TGFBR2: variants seen among roughly 807,000 people sequenced by gnomAD.
TGFBR2 encodes TGF-beta receptor type-2.
TGFBR2 carries 18 observed loss-of-function variants against 49.0 expected under a neutral mutation model. The observed-to-expected ratio is 0.37, with a 90% confidence interval of 0.25 to 0.54. The LOEUF is 0.54. Among genes scored for constraint, TGFBR2 ranks in the 20% least tolerant of loss-of-function variants. TGFBR2 has a pLI of 0.85. For missense variants in TGFBR2, 525 were observed against 722.6 expected (o/e 0.73, Z 3.13); for synonymous variants, 282 against 275.9 (o/e 1.02, Z -0.22).
At chr3:30,678,567 A>G (rs1031088038) in intron 5 of TGFBR2, among the ~76,000 whole-genome samples, 3 of 151,438 alleles carry the variant, frequency 2.0e-5, no homozygotes, top group Non-Finnish European at 4.4e-5. Flanking sequence ...AAAAAAAAAA[A>G]AGAGGTATGG....
At position 30,694,034 on chromosome 3, in the gene TGFBR2, T is replaced by A. The variant is rs1185638932; in HGVS notation, c.*2435T>A. On this transcript the variant is annotated 3_prime_UTR_variant, in exon 7 of 7. Transcript: ENST00000295754. ...ATCAAAAGTCTCAAGCACTTATTTT[T>A]ATTCTATGCATTGTTTGTCTTTTAC... The A allele has an allele frequency of 4.3e-6, 1 of 230,590 alleles. No individual in the cohort carries two copies. The highest frequency in any genetic ancestry group is 8.6e-6 in the Non-Finnish European group (1 of 116,172). 14.3% of individuals were successfully genotyped at this position (230,590 alleles called of 1,614,324 possible).
intron 4 of TGFBR2, among the ~76,000 whole-genome samples, chr3:30,673,432 T>C (rs1357859937): frequency 1.3e-5 from 2 of 152,236 alleles, no homozygotes; most frequent in Admixed American, 6.5e-5. Context: ...TTTTTCCTTT[T>C]TCATATGGAT....
At position 30,638,291 on chromosome 3, in the gene TGFBR2, T is replaced by A. The variant is rs1194209915; in HGVS notation, c.95-6456T>A. Among the ~76,000 whole-genome samples the A allele has an allele frequency of 2.0e-5, 3 of 152,234 alleles. No individual in the cohort carries two copies. The South Asian group carries it at 6.2e-4, about 32-fold the overall frequency. ...AAGCAAGAATTATAAGGCATTGTCA[T>A]TTCACAGAGATTTTAGAGTATTCAC... On this transcript the variant is annotated intron_variant, in intron 1 of 6. Transcript: ENST00000295754.
intron 3 of TGFBR2, among the ~76,000 whole-genome samples, chr3:30,658,295 C>T (rs1388297817): frequency 2.0e-5 from 3 of 152,218 alleles, no homozygotes; most frequent in Admixed American, 6.5e-5. Flanking sequence ...ACTAATATCA[C>T]TCTTGCTTAC....
chr3:30,658,937 T>C (rs749315238), intron 3 of TGFBR2, among the ~76,000 whole-genome samples: 1 of 152,226 alleles, frequency 6.6e-6, no homozygotes, highest in Non-Finnish European at 1.5e-5. Flanking sequence ...AGCATTTTGT[T>C]GACTTCCGTT....
intron 1 of TGFBR2, among the ~76,000 whole-genome samples, chr3:30,631,943 G>A (rs191391771): frequency 1.2e-3 from 184 of 152,074 alleles, no homozygotes; most frequent in Admixed American, 3.0e-3. Flanking sequence ...AAGTCATATA[G>A]CAATGTTTTA....
Position 30,672,458 on chromosome 3 carries a change from G to C in TGFBR2, c.1254+21G>C. ...GGCAGGTAAGTTAGAGCTAGTGCTA[G>C]ATCCCCTTTACCTTGAGCCTGGCCT... is the stretch of plus-strand genomic sequence containing the variant. On this transcript the variant is annotated intron_variant, in intron 4 of 6. Coordinates refer to ENST00000295754, the MANE Select transcript of TGFBR2 (RefSeq NM_003242.6). The surrounding 1 kb of genome is among the most constrained non-coding windows in gnomAD (Gnocchi z 4.5). 6.2e-7 allele frequency: 1 copy of C among 1,613,532 alleles called. No individual in the cohort carries two copies. The highest frequency in any genetic ancestry group is 2.2e-5 in the East Asian group (1 of 44,864).
intron 1 of TGFBR2, 122 bp downstream of exon 1, chr3:30,607,099 T>C (rs1697937250): frequency 1.3e-6 from 1 of 787,558 alleles, no homozygotes; most frequent in African/African-American, 1.8e-5. Flanking sequence ...GAGGAAAGTT[T>C]CCCCCGCGAC....
intron 2 of TGFBR2, among the ~76,000 whole-genome samples, chr3:30,646,896 A>G (rs1698751669): frequency 6.6e-6 from 1 of 152,242 alleles, no homozygotes; most frequent in Non-Finnish European, 1.5e-5. Context: ...AGGCTTTGCT[A>G]GCCTCAAAAA....
chr3:30,606,761 A>G lies in TGFBR2; in HGVS notation c.-123A>G, dbSNP rs1164249250. 2.0e-5 allele frequency: 14 copies of G among 686,522 alleles called. No homozygotes were observed. The highest frequency in any genetic ancestry group is 2.9e-5 in the Non-Finnish European group (14 of 478,372). The allele number at this position is 686,522 out of a possible 1,614,324, so 42.5% of individuals were successfully genotyped here. On this transcript the variant is annotated 5_prime_UTR_variant, in exon 1 of 7. Coordinates refer to ENST00000295754, the MANE Select transcript of TGFBR2 (RefSeq NM_003242.6). ...AGCGGGCGCCACATCTGGCCCGCAC[A>G]TCTGCGCTGCCGGCCCGGCGCGGGG...
chr3:30,620,081 G>C (rs1253935575), intron 1 of TGFBR2, among the ~76,000 whole-genome samples: 1 of 152,152 alleles, frequency 6.6e-6, no homozygotes, highest in African/African-American at 2.4e-5. Flanking sequence ...CAGCTACTCG[G>C]GAGGCTGAGG....
At chr3:30,665,645 A>G (rs1699229719) in intron 3 of TGFBR2, among the ~76,000 whole-genome samples, 1 of 152,202 alleles carries the variant, frequency 6.6e-6, no homozygotes, top group Non-Finnish European at 1.5e-5. Flanking sequence ...CAGATCTCCC[A>G]TTGGCACTAG....
chr3:30,636,203 A>C (rs953271798), intron 1 of TGFBR2, among the ~76,000 whole-genome samples: 1 of 109,466 alleles, frequency 9.1e-6, no homozygotes, highest in Non-Finnish European at 2.0e-5. Flanking sequence ...GTGTGTGTAT[A>C]GTACTGGGAT....
chr3:30,678,899 T>C (rs530212726), intron 5 of TGFBR2, among the ~76,000 whole-genome samples: 4 of 152,312 alleles, frequency 2.6e-5, no homozygotes, highest in Admixed American at 6.5e-5. Flanking sequence ...AGAAAAATGT[T>C]CTAAGCAGCA....
At chr3:30,660,109 G>C (rs13078527) in intron 3 of TGFBR2, among the ~76,000 whole-genome samples, 1 of 152,048 alleles carries the variant, frequency 6.6e-6, no homozygotes, top group East Asian at 1.9e-4. Context: ...TTAACTTTTA[G>C]AGAAATAATT....
chr3:30,659,536 A>AT (rs774359527), intron 3 of TGFBR2, among the ~76,000 whole-genome samples: 1,732 of 148,458 alleles, frequency 0.012, 19 homozygotes, highest in Non-Finnish European at 0.014. Context: ...GCTTTTCAAG[A>AT]TTTTTTTTTT....
Position 30,607,083 on chromosome 3 carries a change from G to A in TGFBR2, c.94+106G>A, listed in dbSNP as rs921848428. 8 of 944,296 alleles carry A rather than the reference G, an allele frequency of 8.5e-6. No homozygotes were observed. In the Admixed American group the frequency reaches 1.2e-4, roughly 14 times the overall value. 58.5% of individuals were successfully genotyped at this position (944,296 alleles called of 1,614,324 possible). A position where few individuals can be genotyped will look rare whatever the true frequency, so the allele number is the denominator to read the frequency against. ...GGGCCCGGCAACCCGGCCCCCGGGC[G>A]GAAACGAGGAAAGTTTCCCCCGCGA... On this transcript the variant is annotated intron_variant, in intron 1 of 6. Coordinates refer to ENST00000295754, the MANE Select transcript of TGFBR2 (RefSeq NM_003242.6).
At chr3:30,665,489 C>T (rs145083044) in intron 3 of TGFBR2, among the ~76,000 whole-genome samples, 18 of 152,274 alleles carry the variant, frequency 1.2e-4, no homozygotes, top group African/African-American at 4.3e-4. Flanking sequence ...CAAAGCACAT[C>T]GTATATGAGT....
chr3:30,654,378 AC>A (rs1698956264), intron 3 of TGFBR2, among the ~76,000 whole-genome samples: 1 of 152,102 alleles, frequency 6.6e-6, no homozygotes, highest in Admixed American at 6.6e-5. Flanking sequence ...CCGGGTACCT[AC>A]CCTTAACCCT....
Sources: allele counts gnomAD v4.1 joint callset (sites outside exome capture counted in the v4.1 genomes callset), GRCh38; gene constraint gnomAD v4.1.1; non-coding constraint Gnocchi (gnomAD v3.1); transcripts MANE v1.5; gene names NCBI Gene and HGNC (gene_info 2026-07-23, HGNC 2026-07-21).